Variants in TBC1D22A observed in about 807,000 individuals in gnomAD.
TBC1D22A encodes putative GTPase activator.
Under a neutral mutation model 60.2 loss-of-function variants are expected in TBC1D22A, and 38 were observed. The observed-to-expected ratio is 0.63, with a 90% CI of 0.49 to 0.83. The LOEUF (loss-of-function observed/expected upper bound fraction) is 0.83. Ranked by LOEUF, TBC1D22A falls within the 40% of genes least tolerant of loss-of-function variation. TBC1D22A has a pLI of 0.00. For synonymous variants in TBC1D22A, 302 were observed against 281.7 expected, an observed-to-expected ratio of 1.07 and a Z score of -0.72; for missense variants, 628 against 701.0, an observed-to-expected ratio of 0.90 and a Z score of 1.18.
At chr22:46,804,453 A>G (rs1055783228) in intron 4 of TBC1D22A, among the ~76,000 whole-genome samples, 27 of 152,182 alleles carry the variant, frequency 1.8e-4, no homozygotes, top group African/African-American at 6.0e-4. Flanking sequence ...AGTTCTTACC[A>G]GTTTTTCAGA....
At chr22:47,169,029 C>T (rs1028004506) in intron 12 of TBC1D22A, among the ~76,000 whole-genome samples, 19 of 152,250 alleles carry the variant, frequency 1.2e-4, no homozygotes, top group Non-Finnish European at 2.4e-4. Context: ...GGAACCCGCC[C>T]GGGGCAGGAG....
intron 9 of TBC1D22A, among the ~76,000 whole-genome samples, chr22:46,976,741 G>A (rs1352693790): frequency 2.6e-5 from 4 of 152,144 alleles, no homozygotes; most frequent in Non-Finnish European, 5.9e-5. Context: ...CTCTCTCTTG[G>A]TTTTCTGAAG....
rs1180259997 is a variant in TBC1D22A, at chr22:46,974,335, A to T, written c.1061A>T (p.Glu354Val). 6.2e-7 allele frequency: 1 copy of T among 1,609,848 alleles called. No homozygotes were observed. The highest frequency in any genetic ancestry group is 8.5e-7 in the Non-Finnish European group (1 of 1,178,324). The change falls in exon 9 of 13, where the codon GAG becomes GTG. Residue 354 changes from glutamate (E) to valine (V), a missense_variant. Physicochemically the swap from Glu to Val is moderately radical, Grantham distance 121. Transcript: ENST00000337137. ...GTGGACGTCTCCGGCGTGCCCGCAG[A>T]GGTGCTGTGCAACATCGAGGCCGAC... ...DTVDVSGVPA[E>V]VLCNIEADTY...
intron 11 of TBC1D22A, among the ~76,000 whole-genome samples, chr22:47,068,674 T>C (rs972025490): frequency 6.6e-6 from 1 of 152,252 alleles, no homozygotes; most frequent in Non-Finnish European, 1.5e-5. Flanking sequence ...AATTGATGAA[T>C]ATCTGTGGAA....
intron 1 of TBC1D22A, 67 bp downstream of exon 1, chr22:46,762,915 T>A (rs2083150310): frequency 6.3e-6 from 9 of 1,418,630 alleles, no homozygotes; most frequent in Admixed American, 3.4e-5. Context: ...GTTGGCCTCC[T>A]GGGCTGCGGG....
In TBC1D22A at chr22:46,997,719, C is replaced by T; in HGVS notation, c.1201+10C>T. The T allele has an allele frequency of 6.2e-7, 1 of 1,613,778 alleles. No homozygotes were observed. Among genetic ancestry groups the T allele is most frequent in the Non-Finnish European group, 8.5e-7 (1 of 1,179,896 alleles). On this transcript the variant is annotated intron_variant, in intron 10 of 12. Transcript: ENST00000337137. ...GTGAGCCGGATTGATGGTAAGCCAG[C>T]TTCCCGCGCAGCCCCTCTCTGTGGG...
chr22:46,994,540 C>T (rs544904374), intron 9 of TBC1D22A, among the ~76,000 whole-genome samples: 26 of 152,366 alleles, frequency 1.7e-4, no homozygotes, highest in South Asian at 6.2e-4. Flanking sequence ...CAGCCAGGGA[C>T]GTGGCCTCTC....
rs1221558795 is a variant in TBC1D22A at position 47,175,013 on chromosome 22, G to A, written c.*1387G>A. ...GGCTCACGTCCTCAGCGACCCACTG[G>A]TGACTGACTTCCCAGACTCTCCTCT... is the stretch of plus-strand genomic sequence containing the variant. On this transcript the variant is annotated 3_prime_UTR_variant, in exon 13 of 13. Coordinates refer to ENST00000337137, the MANE Select transcript of TBC1D22A (RefSeq NM_014346.5). The A allele has an allele frequency of 1.3e-5, 2 of 152,346 alleles. No individual in the cohort carries two copies. Among genetic ancestry groups the A allele is most frequent in the African/African-American group, 4.8e-5 (2 of 41,440 alleles). 9.4% of individuals were successfully genotyped at this position (152,346 alleles called of 1,614,324 possible).
intron 4 of TBC1D22A, among the ~76,000 whole-genome samples, chr22:46,834,806 T>G (rs527658916): frequency 1.3e-5 from 2 of 152,364 alleles, no homozygotes; most frequent in African/African-American, 4.8e-5. Flanking sequence ...TCCAGCATTC[T>G]GTATGCCTCC....
At chr22:46,979,272 C>T (rs1027792372) in intron 9 of TBC1D22A, among the ~76,000 whole-genome samples, 3 of 152,166 alleles carry the variant, frequency 2.0e-5, no homozygotes, top group Non-Finnish European at 2.9e-5. Flanking sequence ...TAAAAGTCTT[C>T]CAAAATTCAG....
At chr22:47,047,402 C>T (rs2063066362) in intron 11 of TBC1D22A, among the ~76,000 whole-genome samples, 1 of 152,198 alleles carries the variant, frequency 6.6e-6, no homozygotes, top group South Asian at 2.1e-4. Context: ...AGTAGATCAC[C>T]TGTGCAGGGC....
chr22:47,155,647 C>G (rs1569476196), intron 12 of TBC1D22A, among the ~76,000 whole-genome samples: 3 of 151,562 alleles, frequency 2.0e-5, no homozygotes, highest in South Asian at 2.1e-4. Flanking sequence ...ATCACAGCAG[C>G]CTGCAAAGGG....
intron 12 of TBC1D22A, among the ~76,000 whole-genome samples, chr22:47,155,738 G>A (rs1014474249): frequency 1.3e-5 from 2 of 152,352 alleles, no homozygotes; most frequent in African/African-American, 4.8e-5. Context: ...ATGGGCTGGC[G>A]CCAGCGCAGA....
intron 8 of TBC1D22A, among the ~76,000 whole-genome samples, chr22:46,927,521 C>T (rs2878903): frequency 0.68 from 103,606 of 152,038 alleles, 35,574 homozygotes; most frequent in South Asian, 0.79. Flanking sequence ...AAAGTTTTTC[C>T]CCTAAGATCA....
At chr22:46,852,549 A>G (rs538836450) in intron 4 of TBC1D22A, among the ~76,000 whole-genome samples, 1 of 152,350 alleles carries the variant, frequency 6.6e-6, no homozygotes, top group South Asian at 2.1e-4. Context: ...GGGTGGACGA[A>G]TCTGCCTCTG....
chr22:46,993,919 G>C (rs971946322), intron 9 of TBC1D22A, among the ~76,000 whole-genome samples: 1 of 152,212 alleles, frequency 6.6e-6, no homozygotes, highest in East Asian at 1.9e-4. Flanking sequence ...ACCCCCCTGT[G>C]TCTTAGCCTT....
chr22:46,899,899 T>C (rs958520728), intron 7 of TBC1D22A, among the ~76,000 whole-genome samples: 1 of 152,042 alleles, frequency 6.6e-6, no homozygotes. Context: ...AGTTGTGTGC[T>C]CCCCTAAAGT....
chr22:46,965,508 A>G (rs889228351), intron 8 of TBC1D22A, among the ~76,000 whole-genome samples: 2 of 152,202 alleles, frequency 1.3e-5, no homozygotes, highest in Non-Finnish European at 2.9e-5. Flanking sequence ...ATTGTTTTGC[A>G]GAATGCATTC....
intron 3 of TBC1D22A, among the ~76,000 whole-genome samples, chr22:46,794,752 GCAGGTGTCATCTGAAACGGGGAGGT>G (rs551516238): frequency 8.1e-4 from 123 of 152,334 alleles, no homozygotes; most frequent in Admixed American, 2.4e-3. Context: ...GCAGTGGGGA[GCAGGTGTCATCTGAAACGGGGAGGT>G]CAGGGTGTCT....
Sources: gnomAD v4.1 joint callset for allele counts (sites outside exome capture counted in the v4.1 genomes callset) on GRCh38, gnomAD v4.1.1 for gene constraint, MANE v1.5 for transcripts, NCBI Gene and HGNC (gene_info 2026-07-23, HGNC 2026-07-21) for gene names.